The following KDM4C variants were observed in gnomAD, a reference collection of about 807,000 sequenced individuals.
KDM4C encodes the protein lysine-specific demethylase 4C.
A neutral mutation model predicts 129.3 loss-of-function variants in KDM4C; 81 were observed. The observed-to-expected ratio is 0.63, with a 90% CI of 0.52 to 0.75. The LOEUF (loss-of-function observed/expected upper bound fraction) is 0.75, where lower values mean the gene tolerates loss of function less well. Among genes scored for constraint, KDM4C ranks in the 30% least tolerant of loss-of-function variants. The pLI is 0.00. For missense variants in KDM4C, 1,457 were observed against 1,304.0 expected, an observed-to-expected ratio of 1.12 and a Z score of -1.81; for synonymous variants, 573 against 456.1, an observed-to-expected ratio of 1.26 and a Z score of -3.26.
At chr9:6,820,562 G>A (rs1033333564) in intron 4 of KDM4C, among the ~76,000 whole-genome samples, 2 of 152,058 alleles carry the variant, frequency 1.3e-5, no homozygotes, top group African/African-American at 4.8e-5. Flanking sequence ...GAGCAGAGAA[G>A]GTGCCATGGT....
At chr9:6,850,314 T>C (rs895733320) in intron 5 of KDM4C, among the ~76,000 whole-genome samples, 3 of 152,234 alleles carry the variant, frequency 2.0e-5, no homozygotes, top group African/African-American at 7.2e-5. Context: ...CAAGAATTTA[T>C]TGGGCATCTT....
At chr9:7,114,860 C>A (rs1838721085) in intron 18 of KDM4C, among the ~76,000 whole-genome samples, 1 of 152,128 alleles carries the variant, frequency 6.6e-6, no homozygotes, top group Admixed American at 6.6e-5. Context: ...AGTCCCAGCA[C>A]TTTGGGAGGC....
intron 1 of KDM4C, among the ~76,000 whole-genome samples, chr9:6,735,568 C>T (rs1027211798): frequency 2.6e-5 from 4 of 152,150 alleles, no homozygotes; most frequent in Non-Finnish European, 2.9e-5. Context: ...GTTTTAAAAA[C>T]CAGAGTTTCC....
intron 8 of KDM4C, among the ~76,000 whole-genome samples, chr9:6,937,804 C>G (rs1033565512): frequency 6.6e-6 from 1 of 152,068 alleles, no homozygotes; most frequent in Non-Finnish European, 1.5e-5. Context: ...CTCTGCCTCC[C>G]GGGTTCAAGC....
At chr9:6,927,548 G>A (rs1822860354) in intron 8 of KDM4C, among the ~76,000 whole-genome samples, 1 of 152,198 alleles carries the variant, frequency 6.6e-6, no homozygotes, top group Non-Finnish European at 1.5e-5. Context: ...ATTAGAATAT[G>A]AGATGTGTAG....
chr9:7,160,141 G>C (rs947380582), intron 19 of KDM4C, among the ~76,000 whole-genome samples: 1 of 152,032 alleles, frequency 6.6e-6, no homozygotes, highest in African/African-American at 2.4e-5. Context: ...AAGCTTGTGC[G>C]TGCGTCACAA....
chr9:6,946,350 T>C lies in KDM4C; in HGVS notation c.922-34575T>C, dbSNP rs1826963780. Among the ~76,000 whole-genome samples, 5 of 152,292 alleles carry C rather than the reference T, an allele frequency of 3.3e-5. No homozygotes were observed. The South Asian group carries it at 1.0e-3, about 32-fold the overall frequency. On this transcript the variant is annotated intron_variant, in intron 8 of 21. Coordinates refer to ENST00000381309, the MANE Select transcript of KDM4C (RefSeq NM_015061.6). ...ACACCTCCGTGACATTTTTCTTTACTTTTTGTTCCTACCTATTATTGATCT... is the reference window on the plus strand; with the variant it reads ...ACACCTCCGTGACATTTTTCTTTACCTTTTGTTCCTACCTATTATTGATCT...
At chr9:7,167,499 A>G (rs7847171) in intron 20 of KDM4C, among the ~76,000 whole-genome samples, 7 of 152,364 alleles carry the variant, frequency 4.6e-5, no homozygotes, top group South Asian at 2.1e-4. Context: ...AGATGACACT[A>G]TGGCCTAGTT....
chr9:7,071,683 G>A (rs984405433), intron 17 of KDM4C, among the ~76,000 whole-genome samples: 29 of 152,098 alleles, frequency 1.9e-4, no homozygotes, highest in African/African-American at 6.8e-4. Context: ...GAAAATCTTT[G>A]TGATCATGGG....
chr9:6,797,759 C>T (rs537281017), intron 2 of KDM4C, among the ~76,000 whole-genome samples: 36 of 152,232 alleles, frequency 2.4e-4, no homozygotes, highest in African/African-American at 6.0e-4. Context: ...CTTCCTCCTC[C>T]TTGCTCACTA....
chr9:7,009,935 A>T (rs890450620), intron 12 of KDM4C, among the ~76,000 whole-genome samples: 2 of 152,248 alleles, frequency 1.3e-5, no homozygotes, highest in Non-Finnish European at 2.9e-5. Flanking sequence ...ATATTTAAAA[A>T]ATTAAGAAAA....
intron 1 of KDM4C, among the ~76,000 whole-genome samples, chr9:6,731,325 C>CTTTTTTTTTTTTTTTTTTTTTTTCTT (rs34724329): frequency 8.8e-6 from 1 of 114,052 alleles, no homozygotes; most frequent in Non-Finnish European, 1.7e-5. Context: ...TTTTTTTTTG[C>CTTTTTTTTTTTTTTTTTTTTTTTCTT]TTTTTTTTTT....
At chr9:6,743,094 C>T (rs1439009670) in intron 1 of KDM4C, among the ~76,000 whole-genome samples, 1 of 152,008 alleles carries the variant, frequency 6.6e-6, no homozygotes, top group Non-Finnish European at 1.5e-5. Flanking sequence ...AAGAGACATC[C>T]TTGTAGAAAA....
chr9:7,161,529 A>G (rs1222395563), intron 19 of KDM4C, among the ~76,000 whole-genome samples: 1 of 152,174 alleles, frequency 6.6e-6, no homozygotes, highest in African/African-American at 2.4e-5. Context: ...CCTTATTTGT[A>G]AATAAAATCA....
intron 3 of KDM4C, among the ~76,000 whole-genome samples, chr9:6,813,505 G>A (rs1224870669): frequency 6.6e-6 from 1 of 152,218 alleles, no homozygotes; most frequent in East Asian, 1.9e-4. Context: ...CCCCAGTATA[G>A]TGAGTGTAGA....
intron 19 of KDM4C, among the ~76,000 whole-genome samples, chr9:7,163,557 C>T (rs1288634890): frequency 6.6e-6 from 1 of 152,170 alleles, no homozygotes; most frequent in Non-Finnish European, 1.5e-5. Flanking sequence ...CCTCCTGCCG[C>T]CACACTTACC....
intron 10 of KDM4C, among the ~76,000 whole-genome samples, chr9:6,985,454 A>T (rs562158817): frequency 3.3e-5 from 5 of 152,122 alleles, no homozygotes; most frequent in African/African-American, 7.2e-5. Flanking sequence ...TTACAATCCA[A>T]TGTGGTAAGT....
chr9:6,919,548 T>A (rs1821068985), intron 8 of KDM4C, among the ~76,000 whole-genome samples: 1 of 72,210 alleles, frequency 1.4e-5, no homozygotes, highest in South Asian at 6.3e-4. Flanking sequence ...TCTGTCTGTC[T>A]ATCTATCTAT....
At chr9:6,801,337 C>T (rs1437153181) in intron 2 of KDM4C, among the ~76,000 whole-genome samples, 2 of 140,306 alleles carry the variant, frequency 1.4e-5, no homozygotes, top group Non-Finnish European at 3.0e-5. Flanking sequence ...ACTGCAAGCT[C>T]TGCCTCCTGC....
Sources: gnomAD v4.1 joint callset for allele counts (sites outside exome capture counted in the v4.1 genomes callset) on GRCh38, gnomAD v4.1.1 for gene constraint, MANE v1.5 for transcripts, NCBI Gene and HGNC (gene_info 2026-07-23, HGNC 2026-07-21) for gene names.